ALK: variants seen among roughly 807,000 people sequenced by gnomAD.
ALK encodes the protein ALK tyrosine kinase receptor.
ALK carries 74 observed loss-of-function variants against 163.1 expected under a neutral mutation model. That is an observed-to-expected ratio of 0.45 (90% CI 0.38 to 0.55). ALK has a LOEUF of 0.55. ALK is among the 20% of genes least tolerant of loss of function. The pLI, the probability that ALK is intolerant of heterozygous loss-of-function variation, is 0.00. For missense variants in ALK, 2,063 were observed against 2,105.3 expected, an observed-to-expected ratio of 0.98 and a Z score of 0.39; for synonymous variants, 960 against 843.2, an observed-to-expected ratio of 1.14 and a Z score of -2.40.
chr2:29,504,300 C>T (rs1672258904), intron 4 of ALK, among the ~76,000 whole-genome samples: 1 of 152,104 alleles, frequency 6.6e-6, no homozygotes, highest in Admixed American at 6.5e-5. Context: ...AGAGCCAGGT[C>T]ACACAGGGCT....
intron 1 of ALK, among the ~76,000 whole-genome samples, chr2:29,818,493 A>AC (rs1664957641): frequency 6.6e-6 from 1 of 152,228 alleles, no homozygotes; most frequent in Admixed American, 6.5e-5. Context: ...CATACCCAAC[A>AC]CGCTGGCTGG....
chr2:29,294,623 T>C (rs952814419), intron 9 of ALK, among the ~76,000 whole-genome samples: 1 of 152,234 alleles, frequency 6.6e-6, no homozygotes, highest in Non-Finnish European at 1.5e-5. Flanking sequence ...TGAGGCCAAA[T>C]AACTGAAAGA....
At position 29,715,075 on chromosome 2, in the gene ALK, A is replaced by T. The variant is rs77461217; in HGVS notation, c.787+2503T>A. ...GAAGGGCCAACCCTTACCTGTCTTT[A>T]TGTTTGCATCACTTCCCACATCAGG... On this transcript the variant is annotated intron_variant, in intron 2 of 28. Transcript: ENST00000389048. Among the ~76,000 whole-genome samples, 545 of 152,284 alleles carry T rather than the reference A, an allele frequency of 3.6e-3. 2 individuals are homozygous for T. Among genetic ancestry groups the T allele is most frequent in the African/African-American group, 0.013 (522 of 41,542 alleles).
intron 3 of ALK, among the ~76,000 whole-genome samples, chr2:29,622,529 G>A (rs1676065037): frequency 6.6e-6 from 1 of 152,144 alleles, no homozygotes; most frequent in South Asian, 2.1e-4. Flanking sequence ...CACAACATAT[G>A]GGAATTCTGG....
At chr2:29,228,809 A>AGGGCAGGGGAGGGCG in intron 16 of ALK, 75 bp downstream of exon 16, 1 of 957,678 alleles carries the variant, frequency 1.0e-6, no homozygotes, top group Non-Finnish European at 1.7e-6. Context: ...AGGGCAGGGG[A>AGGGCAGGGGAGGGCG]GGGCAGGGCA....
At chr2:29,206,003 GGGGCCA>G (rs1291861947) in intron 26 of ALK, among the ~76,000 whole-genome samples, 4 of 152,102 alleles carry the variant, frequency 2.6e-5, no homozygotes, top group Non-Finnish European at 4.4e-5. Flanking sequence ...GGGGCCAGTG[GGGGCCA>G]GGACCAGGGA....
At chr2:29,531,434 T>C (rs1673115097) in intron 4 of ALK, among the ~76,000 whole-genome samples, 2 of 152,068 alleles carry the variant, frequency 1.3e-5, no homozygotes, top group African/African-American at 4.8e-5. Context: ...CTCTACTGAA[T>C]TACATTGGCG....
rs1667340867 is a variant in ALK at position 29,328,460 on chromosome 2, A to T, written c.1304T>A (p.Met435Lys). Residue 435 changes from methionine to lysine, a missense_variant, in exon 6 of 29, where the codon ATG becomes AAG. Physicochemically the swap from Met to Lys is moderately conservative, Grantham distance 95 (BLOSUM62 -1). This residue lies in a region of ALK where 987 missense variants were observed against 939.5 expected (regional missense o/e 1.05). Transcript: ENST00000389048. ...CSEGTSPGSK[M>K]ALQSSFTCWN... ...ACAAGTGAAGGAGCTCTGCAGGGCC[A>T]TCTTGGAGCCTGGGGATGTTCCTGG... 1 of 1,614,074 alleles carries T rather than the reference A, an allele frequency of 6.2e-7. No homozygotes were observed. Among genetic ancestry groups the T allele is most frequent in the Non-Finnish European group, 8.5e-7 (1 of 1,180,030 alleles).
At chr2:29,337,799 T>C (rs971139088) in intron 5 of ALK, among the ~76,000 whole-genome samples, 1 of 152,210 alleles carries the variant, frequency 6.6e-6, no homozygotes, top group African/African-American at 2.4e-5. Context: ...CTAGTTTCCA[T>C]GTCTGTGAAT....
intron 1 of ALK, among the ~76,000 whole-genome samples, chr2:29,841,119 C>A (rs971007076): frequency 2.0e-5 from 3 of 152,120 alleles, no homozygotes; most frequent in African/African-American, 4.8e-5. Context: ...TGGTTTCTAT[C>A]AGTTATAGTA....
chr2:29,586,272 T>C (rs1674885485), intron 3 of ALK, among the ~76,000 whole-genome samples: 1 of 152,082 alleles, frequency 6.6e-6, no homozygotes, highest in South Asian at 2.1e-4. Context: ...CTTTCATACA[T>C]ATATTAAATA....
chr2:29,654,707 T>C (rs1677130645), intron 3 of ALK, among the ~76,000 whole-genome samples: 2 of 152,174 alleles, frequency 1.3e-5, no homozygotes, highest in South Asian at 4.1e-4. Flanking sequence ...AAAGATGTTA[T>C]TTCCATATTC....
At chr2:29,826,545 T>C (rs1004702905) in intron 1 of ALK, among the ~76,000 whole-genome samples, 1 of 152,208 alleles carries the variant, frequency 6.6e-6, no homozygotes, top group Non-Finnish European at 1.5e-5. Flanking sequence ...TCAGTCAGTC[T>C]TATACAAGCC....
At chr2:29,780,481 A>T (rs1223256995) in intron 1 of ALK, among the ~76,000 whole-genome samples, 3 of 152,256 alleles carry the variant, frequency 2.0e-5, no homozygotes, top group African/African-American at 7.2e-5. Flanking sequence ...TGAACTTTTC[A>T]AACAGAAAGG....
chr2:29,285,788 C>G (rs1008690863), intron 9 of ALK, among the ~76,000 whole-genome samples: 1 of 147,390 alleles, frequency 6.8e-6, no homozygotes, highest in Non-Finnish European at 1.5e-5. Context: ...GTCTTGAACT[C>G]CTGACCTCAA....
chr2:29,667,479 A>G (rs2262585), intron 3 of ALK, among the ~76,000 whole-genome samples: 130,090 of 151,824 alleles, frequency 0.86, 56,004 homozygotes, highest in African/African-American at 0.94. Context: ...GTTATTTTGC[A>G]GTATGTTCCT....
intron 26 of ALK, among the ~76,000 whole-genome samples, chr2:29,201,660 G>A (rs566772401): frequency 9.9e-5 from 15 of 151,892 alleles, no homozygotes; most frequent in African/African-American, 2.9e-4. Context: ...GGTAGCACGC[G>A]TCTGTAATCC....
At chr2:29,356,813 T>G (rs577743931) in intron 5 of ALK, among the ~76,000 whole-genome samples, 11 of 152,250 alleles carry the variant, frequency 7.2e-5, no homozygotes, top group African/African-American at 2.6e-4. Flanking sequence ...GGGTGCTGTT[T>G]ATTCTGAGCT....
chr2:29,635,392 A>AAG (rs962590067), intron 3 of ALK, among the ~76,000 whole-genome samples: 1 of 152,166 alleles, frequency 6.6e-6, no homozygotes, highest in Non-Finnish European at 1.5e-5. Flanking sequence ...GTGTCCTTAC[A>AAG]AGAGAGAGGC....
Sources: gnomAD v4.1 joint callset for allele counts (sites outside exome capture counted in the v4.1 genomes callset) on GRCh38, gnomAD v4.1.1 for gene constraint, gnomAD v4.1.1 regional missense constraint, MANE v1.5 for transcripts, NCBI Gene and HGNC (gene_info 2026-07-23, HGNC 2026-07-21) for gene names.